The following EIF3CL variants were observed in gnomAD, a reference collection of about 807,000 sequenced individuals.
The protein encoded by EIF3CL is eukaryotic translation initiation factor 3 subunit C like, also known as eukaryotic translation initiation factor 3 subunit C-like protein.
For synonymous variants in EIF3CL, 2 were observed against 19.6 expected (o/e 0.10, Z 2.37); for missense variants, 5 against 56.1 (o/e 0.09, Z 2.91).
At chr16:28,423,886 A>C in the EIF3CL span, among the ~76,000 whole-genome samples, 1 of 115,842 alleles carries the variant, frequency 8.6e-6, no homozygotes. Context: ...CAGTGGCACT[A>C]TCTCGGCTCA....
chr16:28,418,975 G>T, the EIF3CL span, among the ~76,000 whole-genome samples: 15 of 147,750 alleles, frequency 1.0e-4, no homozygotes, highest in Middle Eastern at 3.4e-3. Flanking sequence ...GACTCTCCAG[G>T]GATGTGATAA....
At chr16:28,396,642 T>C (rs1207099112) in intron 8 of EIF3CL, among the ~76,000 whole-genome samples, 31 of 80,850 alleles carry the variant, frequency 3.8e-4, no homozygotes, top group African/African-American at 1.1e-3. Context: ...CACTCCAGCC[T>C]GGGCGACAGT....
chr16:28,421,933 A>ATGCTACTG, the EIF3CL span, among the ~76,000 whole-genome samples: 5,604 of 69,574 alleles, frequency 0.081, 475 homozygotes, highest in Non-Finnish European at 0.13. Context: ...AGTCCTAAAA[A>ATGCTACTG]TGCTACTGGA....
chr16:28,392,724 CCA>C (rs1259164306), intron 8 of EIF3CL, among the ~76,000 whole-genome samples: 7 of 133,530 alleles, frequency 5.2e-5, no homozygotes, highest in Admixed American at 2.3e-4. Flanking sequence ...GCTGCTTTCT[CCA>C]GACTGACCAA....
At chr16:28,416,822 C>T in the EIF3CL span, among the ~76,000 whole-genome samples, 1 of 84,354 alleles carries the variant, frequency 1.2e-5, no homozygotes, top group African/African-American at 4.2e-5. Flanking sequence ...TCTGCCCGGC[C>T]GCCCCTACTG....
the EIF3CL span, among the ~76,000 whole-genome samples, chr16:28,418,145 C>G: frequency 6.7e-6 from 1 of 149,810 alleles, no homozygotes; most frequent in Admixed American, 6.6e-5. Context: ...TGTGGTCTCT[C>G]AAGTGGTGCC....
the EIF3CL span, among the ~76,000 whole-genome samples, chr16:28,421,768 T>C: frequency 8.7e-6 from 1 of 115,508 alleles, no homozygotes; most frequent in Non-Finnish European, 1.8e-5. Context: ...GCTGAGATGG[T>C]GCCACTGCAC....
At chr16:28,417,629 AAG>A in the EIF3CL span, among the ~76,000 whole-genome samples, 11 of 99,104 alleles carry the variant, frequency 1.1e-4, no homozygotes, top group African/African-American at 3.5e-4. Context: ...CATGCTCGTT[AAG>A]AGTCATCACC....
At chr16:28,418,390 C>T in the EIF3CL span, among the ~76,000 whole-genome samples, 1 of 124,042 alleles carries the variant, frequency 8.1e-6, no homozygotes, top group Non-Finnish European at 1.7e-5. Flanking sequence ...AACTCCTGAC[C>T]TCAAGTGATT....
At chr16:28,413,900 G>A in the EIF3CL span, 2 of 372,302 alleles carry the variant, frequency 5.4e-6, 1 homozygote, top group Admixed American at 6.7e-5. Flanking sequence ...AGCAGTTCCA[G>A]AAGGAGAAGG....
At chr16:28,425,567 T>C in the EIF3CL span, among the ~76,000 whole-genome samples, 1 of 107,600 alleles carries the variant, frequency 9.3e-6, no homozygotes, top group Non-Finnish European at 1.9e-5. Flanking sequence ...CCCATTACCT[T>C]GGAGCTCAGA....
At chr16:28,419,229 A>G in the EIF3CL span, among the ~76,000 whole-genome samples, 1 of 150,916 alleles carries the variant, frequency 6.6e-6, no homozygotes, top group Non-Finnish European at 1.5e-5. Context: ...GATGGTCTCA[A>G]TCTCCTGACC....
At chr16:28,410,787 C>T in the EIF3CL span, among the ~76,000 whole-genome samples, 20,680 of 116,004 alleles carry the variant, frequency 0.18, 150 homozygotes, top group Non-Finnish European at 0.22. Context: ...TTTGTAGAGA[C>T]GGGGGGGGCC....
the EIF3CL span, among the ~76,000 whole-genome samples, chr16:28,417,148 G>A: frequency 7.3e-6 from 1 of 137,300 alleles, no homozygotes; most frequent in Non-Finnish European, 1.6e-5. Context: ...AGGTTGGGGG[G>A]TCAGCCCCCC....
At chr16:28,403,020 TAA>T (rs34279997) in intron 2 of EIF3CL, among the ~76,000 whole-genome samples, 1 of 116,484 alleles carries the variant, frequency 8.6e-6, no homozygotes. Context: ...TTCCAAAGGG[TAA>T]AAAAAAAAAA....
At chr16:28,416,728 G>A in the EIF3CL span, among the ~76,000 whole-genome samples, 54 of 117,456 alleles carry the variant, frequency 4.6e-4, no homozygotes, top group Admixed American at 1.3e-3. Context: ...GTCTCCGCCC[G>A]GCAGCCACCC....
chr16:28,422,706 G>A, the EIF3CL span, among the ~76,000 whole-genome samples: 4 of 142,360 alleles, frequency 2.8e-5, no homozygotes, highest in East Asian at 2.1e-4. Flanking sequence ...GTGTGGTGGC[G>A]GGCACCTGTA....
upstream of EIF3CL, among the ~76,000 whole-genome samples, chr16:28,405,841 T>A (rs1410907006): frequency 1.3e-5 from 2 of 152,260 alleles, no homozygotes; most frequent in Non-Finnish European, 2.9e-5. Context: ...ATCTTCCAGA[T>A]GTCACTTTGT....
At chr16:28,416,749 G>T in the EIF3CL span, among the ~76,000 whole-genome samples, 1 of 117,526 alleles carries the variant, frequency 8.5e-6, no homozygotes, top group African/African-American at 3.0e-5. Context: ...CGTCCGGGAG[G>T]GAGGTGGGGG....
Sources: gnomAD v4.1 joint callset for allele counts (sites outside exome capture counted in the v4.1 genomes callset) on GRCh38, gnomAD v4.1.1 for gene constraint, MANE v1.5 for transcripts, NCBI Gene and HGNC (gene_info 2026-07-23, HGNC 2026-07-21) for gene names.